Variants in MGAT4C observed in about 807,000 individuals in gnomAD.
MGAT4C encodes the protein MGAT4 family member C, also known as alpha-1,3-mannosyl-glycoprotein 4-beta-N-acetylglucosaminyltransferase C.
In MGAT4C, 19 loss-of-function variants were observed where a neutral mutation model predicts 40.1. That is an observed-to-expected ratio of 0.47 (90% CI 0.33 to 0.70). The LOEUF (loss-of-function observed/expected upper bound fraction) is 0.70. MGAT4C is among the 30% of genes least tolerant of loss of function. The pLI is 0.02. For missense variants in MGAT4C, 491 were observed against 563.2 expected (o/e 0.87, Z 1.30); for synonymous variants, 181 against 187.1 (o/e 0.97, Z 0.27).
At chr12:86,489,603 A>C (rs1565797270) in intron 2 of MGAT4C, among the ~76,000 whole-genome samples, 1 of 152,214 alleles carries the variant, frequency 6.6e-6, no homozygotes, top group Non-Finnish European at 1.5e-5. Flanking sequence ...CCTGACCTGG[A>C]TGCTACTGTG....
chr12:86,062,976 C>T (rs974992662), intron 1 of MGAT4C, among the ~76,000 whole-genome samples: 2 of 151,992 alleles, frequency 1.3e-5, no homozygotes, highest in African/African-American at 4.8e-5. Context: ...GAGAACTTCC[C>T]CAACCTAGCA....
intron 2 of MGAT4C, among the ~76,000 whole-genome samples, chr12:86,607,731 AATTTG>A (rs1248696054): frequency 7.2e-5 from 11 of 152,180 alleles, no homozygotes; most frequent in African/African-American, 2.7e-4. Flanking sequence ...TTTAAAAAAT[AATTTG>A]ACATGATCTA....
intron 3 of MGAT4C, among the ~76,000 whole-genome samples, chr12:85,984,092 T>C (rs1479158958): frequency 2.6e-5 from 4 of 152,210 alleles, no homozygotes; most frequent in Admixed American, 2.6e-4. Context: ...GATTTACTCT[T>C]CCTCAAGCAG....
intron 2 of MGAT4C, among the ~76,000 whole-genome samples, chr12:86,623,137 C>A (rs1203758036): frequency 2.6e-5 from 4 of 151,892 alleles, no homozygotes; most frequent in Admixed American, 2.6e-4. Context: ...TGTGTAGAGT[C>A]TCTGAAGAAG....
chr12:86,656,497 T>C (rs1963853811), intron 2 of MGAT4C, among the ~76,000 whole-genome samples: 1 of 152,094 alleles, frequency 6.6e-6, no homozygotes, highest in Non-Finnish European at 1.5e-5. Context: ...ATCAATATTC[T>C]TGGCTGACTC....
At chr12:86,514,107 CACAA>C (rs1296797401) in intron 2 of MGAT4C, among the ~76,000 whole-genome samples, 1 of 149,116 alleles carries the variant, frequency 6.7e-6, no homozygotes, top group Non-Finnish European at 1.5e-5. Flanking sequence ...CACACACACA[CACAA>C]CCCCGGCTTA....
intron 2 of MGAT4C, among the ~76,000 whole-genome samples, chr12:86,485,044 C>A (rs1957998005): frequency 2.0e-5 from 3 of 152,134 alleles, no homozygotes; most frequent in African/African-American, 7.2e-5. Context: ...AAGAATCCAG[C>A]CACAAATAAA....
At chr12:86,721,283 A>G (rs531387729) in intron 2 of MGAT4C, among the ~76,000 whole-genome samples, 6 of 152,106 alleles carry the variant, frequency 3.9e-5, no homozygotes, top group Non-Finnish European at 8.8e-5. Context: ...ACCTTGCAGG[A>G]CCTGAAGATT....
intron 2 of MGAT4C, among the ~76,000 whole-genome samples, chr12:86,488,837 A>C (rs1958074551): frequency 6.6e-6 from 1 of 152,144 alleles, no homozygotes; most frequent in Admixed American, 6.6e-5. Context: ...CTTTAAAATA[A>C]ATTTCTATTT....
intron 2 of MGAT4C, among the ~76,000 whole-genome samples, chr12:86,578,497 C>T (rs1055417099): frequency 1.3e-5 from 2 of 151,792 alleles, no homozygotes; most frequent in East Asian, 1.9e-4. Context: ...CATCAGGTCC[C>T]GGGCTTTTCT....
chr12:85,993,111 G>T (rs1886161501), intron 2 of MGAT4C, among the ~76,000 whole-genome samples: 1 of 152,204 alleles, frequency 6.6e-6, no homozygotes, highest in African/African-American at 2.4e-5. Context: ...ATTAAAGGGG[G>T]TCTTGGCAAG....
Position 85,979,445 on chromosome 12 carries a change from A to G in MGAT4C, c.1281T>C (p.Ser427=). The G allele has an allele frequency of 6.2e-7, 1 of 1,613,520 alleles. No homozygotes were observed. Among genetic ancestry groups the G allele is most frequent in the Non-Finnish European group, 8.5e-7 (1 of 1,179,620 alleles). Residue 427 remains serine (S), a synonymous_variant, in exon 5 of 5, where the codon TCT becomes TCC. Transcript: ENST00000611864. ...TGAATTCTCCTAGTCTTAAGTAAGT[A>G]GAACATTGTCTCCTTTGTTTGCTAG... ...VMPSKQRRQC[S]TYLRLGEFKN...
At chr12:86,808,270 C>T (rs764010569) in intron 1 of MGAT4C, among the ~76,000 whole-genome samples, 10 of 152,068 alleles carry the variant, frequency 6.6e-5, no homozygotes, top group Admixed American at 2.0e-4. Flanking sequence ...CTCTCTAACT[C>T]ATTCTATGAG....
At chr12:86,379,943 T>G (rs1427983963) in intron 3 of MGAT4C, among the ~76,000 whole-genome samples, 1 of 152,126 alleles carries the variant, frequency 6.6e-6, no homozygotes, top group Non-Finnish European at 1.5e-5. Context: ...TTGTGGGGAT[T>G]CATAAGTGGG....
chr12:86,540,740 A>AAGAGAG (rs964677938), intron 2 of MGAT4C, among the ~76,000 whole-genome samples: 6 of 150,370 alleles, frequency 4.0e-5, no homozygotes, highest in African/African-American at 1.2e-4. Context: ...CATCTCCAGA[A>AAGAGAG]AGAGAGAGAG....
chr12:86,808,306 C>T (rs1248324810), intron 1 of MGAT4C, among the ~76,000 whole-genome samples: 1 of 152,034 alleles, frequency 6.6e-6, no homozygotes, highest in African/African-American at 2.4e-5. Flanking sequence ...ATACCAAAAT[C>T]TGGCAGAGAT....
intron 1 of MGAT4C, among the ~76,000 whole-genome samples, chr12:86,062,850 G>C (rs1034003804): frequency 6.6e-6 from 1 of 152,052 alleles, no homozygotes; most frequent in East Asian, 1.9e-4. Context: ...AACAAACAAA[G>C]CCTCGAAGAA....
intron 2 of MGAT4C, among the ~76,000 whole-genome samples, chr12:86,700,498 C>A (rs1365341745): frequency 6.6e-6 from 1 of 151,966 alleles, no homozygotes; most frequent in African/African-American, 2.4e-5. Context: ...TGTGCCTTAA[C>A]CTAATAACTC....
chr12:86,791,205 A>G (rs1344433229), intron 1 of MGAT4C, among the ~76,000 whole-genome samples: 1 of 152,152 alleles, frequency 6.6e-6, no homozygotes, highest in Admixed American at 6.5e-5. Flanking sequence ...ACAGGTGCCA[A>G]AAATTCTCTC....
Sources: gnomAD v4.1 joint callset for allele counts (sites outside exome capture counted in the v4.1 genomes callset) on GRCh38, gnomAD v4.1.1 for gene constraint, MANE v1.5 for transcripts, NCBI Gene and HGNC (gene_info 2026-07-23, HGNC 2026-07-21) for gene names.